SERPINE3: variants seen among roughly 807,000 people sequenced by gnomAD.
The protein encoded by SERPINE3 is serpin family E member 3.
SERPINE3 carries 43 observed loss-of-function variants against 41.7 expected under a neutral mutation model. That is an observed-to-expected ratio of 1.03 (90% CI 0.81 to 1.33). SERPINE3 has a LOEUF of 1.33. SERPINE3 is among the 40% of genes most tolerant of loss of function. The probability of loss-of-function intolerance (pLI) is 0.00; values close to 1 mark genes in which losing one functional copy is unlikely to be tolerated. For missense variants in SERPINE3, 440 were observed against 491.7 expected (o/e 0.89, Z 0.99); for synonymous variants, 200 against 192.2 (o/e 1.04, Z -0.34).
At chr13:51,345,810 C>A (rs1360141954) in intron 4 of SERPINE3, among the ~76,000 whole-genome samples, 1 of 152,200 alleles carries the variant, frequency 6.6e-6, no homozygotes, top group Non-Finnish European at 1.5e-5. Flanking sequence ...GCTGCCAGGG[C>A]GTAAGGCCAG....
chr13:51,357,646 C>T (rs1156815799), intron 7 of SERPINE3, among the ~76,000 whole-genome samples: 1 of 151,990 alleles, frequency 6.6e-6, no homozygotes, highest in Non-Finnish European at 1.5e-5. Flanking sequence ...TCTCAAGGCC[C>T]AGCTGAAACC....
At chr13:51,361,925 A>C (rs755206882) in intron 9 of SERPINE3, 32 bp downstream of exon 9, 2 of 1,611,944 alleles carry the variant, frequency 1.2e-6, no homozygotes, top group African/African-American at 1.3e-5. Context: ...GGATTCAGAT[A>C]ATTTATCAGT....
At chr13:51,359,754 C>T (rs1955534146) in intron 7 of SERPINE3, among the ~76,000 whole-genome samples, 2 of 152,048 alleles carry the variant, frequency 1.3e-5, no homozygotes, top group African/African-American at 4.8e-5. Flanking sequence ...TAGTAAAAGC[C>T]TCTCATGACT....
rs933290512 is a variant in SERPINE3, at chr13:51,347,269, G to T, written c.700+35G>T. 1.3e-5 allele frequency: 20 copies of T among 1,588,390 alleles called. No homozygotes were observed. The East Asian group carries it at 4.5e-4, about 36-fold the overall frequency. Reference sequence around the variant, plus strand: ...GCCCCTGCTGGTTTGTCTAAAGGGAGAGGAAGCCTGGGCCTGAGGGCAGGA... The same window carrying T: ...GCCCCTGCTGGTTTGTCTAAAGGGATAGGAAGCCTGGGCCTGAGGGCAGGA... On this transcript the variant is annotated intron_variant, in intron 5 of 9. Coordinates refer to ENST00000681248, the MANE Select transcript of SERPINE3 (RefSeq NM_001386375.1).
intron 6 of SERPINE3, among the ~76,000 whole-genome samples, chr13:51,348,823 G>C (rs370717564): frequency 9.8e-5 from 15 of 152,342 alleles, no homozygotes; most frequent in African/African-American, 3.6e-4. Context: ...CAAAACCAAA[G>C]AGATAAGATG....
chr13:51,359,117 T>G (rs1430930638), intron 7 of SERPINE3, among the ~76,000 whole-genome samples: 1 of 152,044 alleles, frequency 6.6e-6, no homozygotes, highest in East Asian at 1.9e-4. Context: ...GAGAACAACT[T>G]TTGGGAAAAT....
At chr13:51,347,348 C>A in intron 5 of SERPINE3, 114 bp downstream of exon 5, 1 of 889,458 alleles carries the variant, frequency 1.1e-6, no homozygotes, top group Non-Finnish European at 1.8e-6. Context: ...TCCGCAGGGT[C>A]CATCTGCTGG....
intron 4 of SERPINE3, among the ~76,000 whole-genome samples, chr13:51,346,008 C>G (rs1481177966): frequency 6.6e-6 from 1 of 152,170 alleles, no homozygotes; most frequent in Admixed American, 6.5e-5. Context: ...GGCTTCACCC[C>G]TCATAAGTAT....
chr13:51,362,935 C>T (rs1955610501), intron 9 of SERPINE3: 1 of 152,118 alleles, frequency 6.6e-6, no homozygotes, highest in African/African-American at 2.4e-5. Context: ...TAGTATTTCA[C>T]CATGATCATC....
chr13:51,341,125 CA>C lies in SERPINE3; in HGVS notation c.35del (p.His12ProfsTer15), dbSNP rs1955285180. Reference sequence around the variant, plus strand: ...TTTCCTGATCACCCTCTTCCTCTTTCACTCTTGCTGCCTCCGAGCAAATGGC... The same window carrying C: ...TTTCCTGATCACCCTCTTCCTCTTTCCTCTTGCTGCCTCCGAGCAAATGGC... ...PPFLITLFLF[H>X]SCCLRANGHL... is the part of the protein sequence containing the mutation. On this transcript the variant is annotated frameshift_variant, in exon 3 of 10. Transcript: ENST00000681248. LOFTEE classifies it high-confidence loss of function. 1 of 1,613,906 alleles carries C rather than the reference CA, an allele frequency of 6.2e-7. No individual in the cohort carries two copies. The highest frequency in any genetic ancestry group is 1.7e-5 in the Admixed American group (1 of 60,014).
chr13:51,340,350 G>A (rs1451049408), intron 1 of SERPINE3, among the ~76,000 whole-genome samples: 2 of 152,158 alleles, frequency 1.3e-5, no homozygotes, highest in South Asian at 4.1e-4. Context: ...CATTTCTGGG[G>A]TAGGAACTAT....
Position 51,358,635 on chromosome 13 carries a change from A to G in SERPINE3, c.1001-2643A>G, listed in dbSNP as rs114735300. Among the ~76,000 whole-genome samples the G allele has an allele frequency of 6.1e-3, 932 of 152,234 alleles. 9 individuals are homozygous for G. The highest frequency in any genetic ancestry group is 0.021 in the African/African-American group (889 of 41,560). Reference sequence around the variant, plus strand: ...CATCCAGCATTTACTAAACACATTAATGTACCAAGTATTTTTAATGTAAGT... The same window carrying G: ...CATCCAGCATTTACTAAACACATTAGTGTACCAAGTATTTTTAATGTAAGT... On this transcript the variant is annotated intron_variant, in intron 7 of 9. Transcript: ENST00000681248.
chr13:51,353,911 C>T (rs1416805843), intron 6 of SERPINE3, among the ~76,000 whole-genome samples: 3 of 151,980 alleles, frequency 2.0e-5, no homozygotes, highest in African/African-American at 7.3e-5. Flanking sequence ...ATCAGCAGCC[C>T]TTTTAAAGTA....
intron 6 of SERPINE3, among the ~76,000 whole-genome samples, chr13:51,352,489 G>GTTTT (rs1955414962): frequency 1.3e-5 from 2 of 150,958 alleles, no homozygotes; most frequent in Non-Finnish European, 3.0e-5. Flanking sequence ...TTGTGTGTGT[G>GTTTT]GATTCTTTAG....
In SERPINE3 at chr13:51,347,201, C is replaced by A. The variant is rs200319209; in HGVS notation, c.667C>A (p.Pro223Thr). 475 of 1,613,970 alleles carry A rather than the reference C, an allele frequency of 2.9e-4. 1 individual carries two copies. Among genetic ancestry groups the A allele is most frequent in the South Asian group, 2.3e-4 (21 of 91,052 alleles). The part of the protein sequence containing the change: ...TCAYGLVLQV[P>T]MMHQTTEVNY... ...TGCCTATGGCCTCGTCCTTCAGGTC[C>A]CCATGATGCACCAAACGACCGAGGT... The change falls in exon 5 of 10, where the codon CCC (proline) becomes ACC (threonine). Residue 223 changes from proline to threonine, a missense_variant. Physicochemically the swap from Pro to Thr is conservative, Grantham distance 38 (BLOSUM62 -1). Transcript: ENST00000681248.
In SERPINE3 at chr13:51,361,904, ATT is replaced by A. The variant is rs1435528561; in HGVS notation, c.1171+16_1171+17del. 6.2e-7 allele frequency: 1 copy of A among 1,611,806 alleles called. No homozygotes were observed. Among genetic ancestry groups the A allele is most frequent in the Non-Finnish European group, 8.5e-7 (1 of 1,178,546 alleles). On this transcript the variant is annotated intron_variant, in intron 9 of 9. Coordinates refer to ENST00000681248, the MANE Select transcript of SERPINE3 (RefSeq NM_001386375.1). ...GAGAACCTAACACAGGTATTACAGT[ATT>A]TTTTGACAGGATTCAGATAATTTAT...
chr13:51,357,960 G>C (rs1449413503), intron 7 of SERPINE3, among the ~76,000 whole-genome samples: 1 of 152,130 alleles, frequency 6.6e-6, no homozygotes, highest in African/African-American at 2.4e-5. Context: ...GAACAAACCA[G>C]AGTTGTTTGG....
In SERPINE3 at chr13:51,344,460, C is replaced by G; in HGVS notation, c.465C>G (p.Ser155Arg). 12 of 1,596,630 alleles carry G rather than the reference C, an allele frequency of 7.5e-6. No homozygotes were observed. Among genetic ancestry groups the G allele is most frequent in the Non-Finnish European group, 1.0e-5 (12 of 1,171,198 alleles). The change falls in exon 4 of 10, where the codon AGC becomes AGG. Residue 155 changes from serine to arginine, a missense_variant. Transcript: ENST00000681248. ...SEPNSTAIQT[S>R]EGASRETAGG... ...CCAATAGCACCGCCATCCAGACTAG[C>G]GAAGGGGCCTCCAGAGAGACTGCAG...
intron 8 of SERPINE3, 180 bp downstream of exon 8, chr13:51,361,544 G>A (rs1158983019): frequency 3.4e-6 from 2 of 592,466 alleles, no homozygotes; most frequent in Admixed American, 3.2e-5. Context: ...CGGGGAAGAA[G>A]AGATATCCAT....
Sources: gnomAD v4.1 joint callset for allele counts (sites outside exome capture counted in the v4.1 genomes callset) on GRCh38, gnomAD v4.1.1 for gene constraint, MANE v1.5 for transcripts, NCBI Gene and HGNC (gene_info 2026-07-23, HGNC 2026-07-21) for gene names.